Variants in LOC400499 observed in about 807,000 individuals in gnomAD.
At chr16:11,388,669 A>G in the LOC400499 span, among the ~76,000 whole-genome samples, 1 of 152,186 alleles carries the variant, frequency 6.6e-6, no homozygotes, top group Non-Finnish European at 1.5e-5. Context: ...AAGGGCGATC[A>G]CATCCTTCCT....
chr16:11,384,127 A>C, the LOC400499 span: 2 of 1,219,066 alleles, frequency 1.6e-6, no homozygotes, highest in Non-Finnish European at 2.0e-6. Context: ...CTGCAGAGCC[A>C]TCAGGCCGCC....
At chr16:11,471,525 C>G in the LOC400499 span, 2 of 398,490 alleles carry the variant, frequency 5.0e-6, no homozygotes. Flanking sequence ...CCAGAAGAAA[C>G]CTACAGCAAG....
At chr16:11,504,017 G>T in the LOC400499 span, among the ~76,000 whole-genome samples, 10 of 152,024 alleles carry the variant, frequency 6.6e-5, no homozygotes, top group African/African-American at 1.9e-4. Context: ...GGGTTCGGAA[G>T]ACGTGTGCAG....
At chr16:11,383,382 T>TAAAC in the LOC400499 span, among the ~76,000 whole-genome samples, 36 of 152,310 alleles carry the variant, frequency 2.4e-4, no homozygotes, top group East Asian at 6.4e-3. Context: ...AGCTTCTTTT[T>TAAAC]AAACAACCTG....
At chr16:11,403,410 TAC>T in the LOC400499 span, among the ~76,000 whole-genome samples, 5 of 151,866 alleles carry the variant, frequency 3.3e-5, no homozygotes, top group African/African-American at 9.7e-5. Context: ...GTGGCACAAA[TAC>T]ACACACACAC....
At chr16:11,414,897 T>C in the LOC400499 span, among the ~76,000 whole-genome samples, 1 of 152,128 alleles carries the variant, frequency 6.6e-6, no homozygotes, top group African/African-American at 2.4e-5. Flanking sequence ...CTCGCTCACT[T>C]ACTTATTAGG....
chr16:11,474,082 C>A, the LOC400499 span, among the ~76,000 whole-genome samples: 6 of 152,218 alleles, frequency 3.9e-5, no homozygotes, highest in African/African-American at 1.4e-4. Context: ...TAGTCTTGAA[C>A]TCCTGGACTC....
the LOC400499 span, chr16:11,491,559 G>A: frequency 2.6e-5 from 10 of 389,202 alleles, no homozygotes; most frequent in Non-Finnish European, 4.5e-5. Context: ...CAGTGTGGTA[G>A]AGAAACAGGG....
the LOC400499 span, chr16:11,390,365 G>C: frequency 8.1e-7 from 1 of 1,235,058 alleles, no homozygotes; most frequent in Non-Finnish European, 1.0e-6. Flanking sequence ...ACCCAGGCCT[G>C]CAGCCGCCGC....
At chr16:11,508,538 A>T in the LOC400499 span, among the ~76,000 whole-genome samples, 1 of 152,212 alleles carries the variant, frequency 6.6e-6, no homozygotes, top group Non-Finnish European at 1.5e-5. Flanking sequence ...CGCCATCTAG[A>T]TTTCCTTGCT....
chr16:11,448,161 C>G, the LOC400499 span: 8 of 1,428,072 alleles, frequency 5.6e-6, no homozygotes, highest in Admixed American at 2.5e-5. Context: ...GGTAGCCCCC[C>G]ACAACCTGCC....
At chr16:11,432,090 A>G in the LOC400499 span, among the ~76,000 whole-genome samples, 1 of 152,204 alleles carries the variant, frequency 6.6e-6, no homozygotes, top group Non-Finnish European at 1.5e-5. Flanking sequence ...AAGAGCACCG[A>G]GGTGCCAGAC....
At chr16:11,460,549 G>A in the LOC400499 span, 2 of 1,535,666 alleles carry the variant, frequency 1.3e-6, no homozygotes, top group Non-Finnish European at 1.7e-6. Context: ...CACCGTCTGA[G>A]CCACTGTCTG....
chr16:11,463,737 A>G, the LOC400499 span, among the ~76,000 whole-genome samples: 1 of 152,162 alleles, frequency 6.6e-6, no homozygotes, highest in Non-Finnish European at 1.5e-5. Context: ...ATGTACAGAT[A>G]TGTATATATA....
At chr16:11,446,077 G>A in the LOC400499 span, among the ~76,000 whole-genome samples, 1 of 151,958 alleles carries the variant, frequency 6.6e-6, no homozygotes, top group Non-Finnish European at 1.5e-5. Context: ...TGCCCGCCTT[G>A]GCCTCCCAAA....
At chr16:11,420,319 T>G in the LOC400499 span, among the ~76,000 whole-genome samples, 4 of 151,634 alleles carry the variant, frequency 2.6e-5, no homozygotes, top group Non-Finnish European at 5.9e-5. Context: ...TTAGAAATCA[T>G]CATTCTCAGC....
At chr16:11,393,433 G>A in the LOC400499 span, 60 of 1,232,178 alleles carry the variant, frequency 4.9e-5, no homozygotes, top group Middle Eastern at 3.1e-4. Context: ...CTTGGGGCCC[G>A]GAACACAGAC....
the LOC400499 span, among the ~76,000 whole-genome samples, chr16:11,373,184 G>GTGGAGGC: frequency 6.6e-6 from 1 of 152,202 alleles, no homozygotes; most frequent in Non-Finnish European, 1.5e-5. Context: ...CTTCAGTACA[G>GTGGAGGC]CATGCAGTGG....
chr16:11,512,682 T>A, the LOC400499 span, among the ~76,000 whole-genome samples: 2 of 152,174 alleles, frequency 1.3e-5, no homozygotes, highest in Admixed American at 6.5e-5. Flanking sequence ...ACCACTGAAG[T>A]GTACACTTTA....
Sources: allele counts gnomAD v4.1 joint callset (sites outside exome capture counted in the v4.1 genomes callset), GRCh38; gene constraint gnomAD v4.1.1; transcripts MANE v1.5.